Variants in GINS4 observed in about 807,000 individuals in gnomAD.
The protein encoded by GINS4 is GINS complex subunit 4.
In GINS4, 20 loss-of-function variants were observed where a neutral mutation model predicts 31.1. That is an observed-to-expected ratio of 0.64 (90% CI 0.45 to 0.93). The LOEUF (loss-of-function observed/expected upper bound fraction) is 0.93, where lower values mean the gene tolerates loss of function less well. GINS4 is among the 40% of genes least tolerant of loss of function. The probability of loss-of-function intolerance (pLI) is 0.00; values close to 1 mark genes in which losing one functional copy is unlikely to be tolerated. For synonymous variants in GINS4, 85 were observed against 97.9 expected, an observed-to-expected ratio of 0.87 and a Z score of 0.78; for missense variants, 245 against 273.9, an observed-to-expected ratio of 0.89 and a Z score of 0.75.
chr8:41,538,768 G>C (rs181671422), intron 4 of GINS4, among the ~76,000 whole-genome samples: 2 of 151,776 alleles, frequency 1.3e-5, no homozygotes, highest in African/African-American at 2.4e-5. Flanking sequence ...GCAGTGGCGC[G>C]ATCTCAGCTC....
At chr8:41,533,898 T>C (rs1286024248) in intron 2 of GINS4, among the ~76,000 whole-genome samples, 1 of 152,132 alleles carries the variant, frequency 6.6e-6, no homozygotes, top group Non-Finnish European at 1.5e-5. Flanking sequence ...GTCTTCCCTC[T>C]CGTGTGTGTC....
intron 2 of GINS4, among the ~76,000 whole-genome samples, chr8:41,531,002 T>C (rs529384294): frequency 1.3e-5 from 2 of 152,310 alleles, no homozygotes; most frequent in South Asian, 4.1e-4. Context: ...CCGGGCACGG[T>C]GGCTCAAGCC....
intron 2 of GINS4, among the ~76,000 whole-genome samples, chr8:41,531,710 G>T (rs960782578): frequency 6.6e-6 from 1 of 152,072 alleles, no homozygotes; most frequent in Non-Finnish European, 1.5e-5. Context: ...GGGGATCAGA[G>T]ATCCCCTGAA....
chr8:41,529,910 A>G (rs1806624980), intron 1 of GINS4: 3 of 284,482 alleles, frequency 1.1e-5, no homozygotes, highest in African/African-American at 6.6e-5. Flanking sequence ...GAAGTCAAAG[A>G]AATGAATAGT....
rs1806629670 is a variant in GINS4, at chr8:41,530,239, G to A, written c.37G>A (p.Asp13Asn). 3 of 1,613,960 alleles carry A rather than the reference G, an allele frequency of 1.9e-6. No homozygotes were observed. Among genetic ancestry groups the A allele is most frequent in the South Asian group, 2.2e-5 (2 of 91,088 alleles). The change falls in exon 2 of 8, where the codon GAT becomes AAT. Residue 13 changes from aspartate (D) to asparagine (N), a missense_variant. Asp to Asn is a conservative substitution (Grantham distance 23, BLOSUM62 1). Coordinates refer to ENST00000276533, the MANE Select transcript of GINS4 (RefSeq NM_032336.3). ...EEVDFLGQDS[D>N]GGSEEVVLTP... is the part of the protein sequence containing the mutation. ...AGTGGATTTCCTGGGACAGGACTCT[G>A]ATGGGGGTAGTGAGGAAGTGGTCCT...
At chr8:41,537,554 G>A (rs534151299) in intron 4 of GINS4, 40 of 382,204 alleles carry the variant, frequency 1.0e-4, no homozygotes, top group South Asian at 1.0e-3. Flanking sequence ...TCCCCCTTGC[G>A]TTACAGCATG....
intron 4 of GINS4, chr8:41,538,016 G>A (rs1324698891): frequency 2.8e-5 from 4 of 142,480 alleles, no homozygotes; most frequent in Admixed American, 7.1e-5. Flanking sequence ...GCGAGACTCC[G>A]CCTCAAAAAA....
At chr8:41,535,346 A>G (rs1806724515) in intron 2 of GINS4, among the ~76,000 whole-genome samples, 1 of 152,170 alleles carries the variant, frequency 6.6e-6, no homozygotes, top group Admixed American at 6.5e-5. Flanking sequence ...TCAAAAATAA[A>G]TAAAAATTAT....
rs1417061980 is a variant in GINS4, at chr8:41,542,239, C to T, written c.*152C>T. The T allele has an allele frequency of 1.1e-5, 7 of 641,364 alleles. No homozygotes were observed. The highest frequency in any genetic ancestry group is 6.7e-5 in the Admixed American group (3 of 44,450). The allele number at this position is 641,364 out of a possible 1,614,324, so 39.7% of individuals were successfully genotyped here. On this transcript the variant is annotated 3_prime_UTR_variant, in exon 8 of 8. Coordinates refer to ENST00000276533, the MANE Select transcript of GINS4 (RefSeq NM_032336.3). ...TTACTAAAAATACAAAATAATTAGC[C>T]GGGTGTTGGTGGTGTGCACCTGTAA...
chr8:41,532,650 C>T (rs1434866129), intron 2 of GINS4, among the ~76,000 whole-genome samples: 1 of 152,038 alleles, frequency 6.6e-6, no homozygotes, highest in African/African-American at 2.4e-5. Flanking sequence ...TCCTGGCCAA[C>T]ATGGCGAAAC....
chr8:41,533,425 G>A lies in GINS4; in HGVS notation c.97-2935G>A, dbSNP rs546199782. Among the ~76,000 whole-genome samples, 24 of 152,298 alleles carry A rather than the reference G, an allele frequency of 1.6e-4. 1 individual carries two copies. The South Asian group carries it at 3.9e-3, about 25-fold the overall frequency. ...TTGAAAGGCAGCTAGAGGATGGGGC[G>A]GCGGGGGTTCTGACAGCACAGCTGC... On this transcript the variant is annotated intron_variant, in intron 2 of 7. Transcript: ENST00000276533.
At chr8:41,538,260 A>G (rs1806775654) in intron 4 of GINS4, among the ~76,000 whole-genome samples, 1 of 152,198 alleles carries the variant, frequency 6.6e-6, no homozygotes, top group Admixed American at 6.5e-5. Flanking sequence ...TCTTCTCTAA[A>G]AGGGTTCTTG....
chr8:41,536,296 G>T, intron 2 of GINS4, 64 bp from the exon 3 acceptor site: 1 of 964,582 alleles, frequency 1.0e-6, no homozygotes, highest in South Asian at 1.3e-5. Flanking sequence ...GACTTGGGCT[G>T]ACTCACTGGG....
intron 4 of GINS4, among the ~76,000 whole-genome samples, chr8:41,539,187 G>A (rs1806791510): frequency 6.6e-6 from 1 of 151,518 alleles, no homozygotes; most frequent in Non-Finnish European, 1.5e-5. Context: ...GGGTGTGGTG[G>A]TGGGTGCCTG....
rs190573042 is a variant in GINS4, at chr8:41,539,136, A to G, written c.298-542A>G. Among the ~76,000 whole-genome samples the G allele has an allele frequency of 2.4e-3, 369 of 151,502 alleles. 2 individuals are homozygous for G. Among genetic ancestry groups the G allele is most frequent in the African/African-American group, 8.4e-3 (349 of 41,424 alleles). On this transcript the variant is annotated intron_variant, in intron 4 of 7. Transcript: ENST00000276533. ...GGAGTTTGAGACCAGCCTGGACAACATGGTGAAATCCTATCTCTACTAAAA... is the reference window on the plus strand; with the variant it reads ...GGAGTTTGAGACCAGCCTGGACAACGTGGTGAAATCCTATCTCTACTAAAA...
chr8:41,539,728 G>C lies in GINS4; in HGVS notation c.348G>C (p.Glu116Asp), dbSNP rs763468665. The C allele has an allele frequency of 2.5e-6, 4 of 1,614,152 alleles. No homozygotes were observed. In the South Asian group the frequency reaches 3.3e-5, roughly 13 times the overall value. Residue 116 changes from glutamate to aspartate, a missense_variant, in exon 5 of 8, where the codon GAG becomes GAC. Coordinates refer to ENST00000276533, the MANE Select transcript of GINS4 (RefSeq NM_032336.3). ...TTGAGAAGGAAAAAACACGTCCTGA[G>C]GGGGAGCCTTCCAGCCTCTCGCCGG... The part of the protein sequence containing the change: ...HVLEKEKTRP[E>D]GEPSSLSPEE...
At chr8:41,536,755 C>G (rs145984552) in intron 3 of GINS4, among the ~76,000 whole-genome samples, 2 of 152,346 alleles carry the variant, frequency 1.3e-5, no homozygotes, top group Non-Finnish European at 2.9e-5. Context: ...TGACTACCCA[C>G]CCTTCTCTTG....
chr8:41,531,914 C>A (rs1806652660), intron 2 of GINS4, among the ~76,000 whole-genome samples: 1 of 152,230 alleles, frequency 6.6e-6, no homozygotes, highest in South Asian at 2.1e-4. Context: ...GCATCAGCCT[C>A]CTGAGTAGCT....
intron 2 of GINS4, among the ~76,000 whole-genome samples, chr8:41,533,063 TTAAAA>T (rs1258542233): frequency 6.6e-6 from 1 of 151,998 alleles, no homozygotes; most frequent in East Asian, 1.9e-4. Context: ...TAGTTAAAAA[TTAAAA>T]TAACCTAGAC....
Sources: gnomAD v4.1 joint callset for allele counts (sites outside exome capture counted in the v4.1 genomes callset) on GRCh38, gnomAD v4.1.1 for gene constraint, MANE v1.5 for transcripts, NCBI Gene and HGNC (gene_info 2026-07-23, HGNC 2026-07-21) for gene names.